Variants in AK7 observed in about 807,000 individuals in gnomAD.
The protein encoded by AK7 is ATP-AMP transphosphorylase 7.
Under a neutral mutation model 96.6 loss-of-function variants are expected in AK7, and 78 were observed. The observed-to-expected ratio is 0.81, with a 90% CI of 0.67 to 0.97. The LOEUF is 0.97. Ranked by LOEUF, AK7 falls within the 50% of genes least tolerant of loss-of-function variation. The probability of loss-of-function intolerance (pLI) is 0.00; values close to 1 mark genes in which losing one functional copy is unlikely to be tolerated. For missense variants in AK7, 855 were observed against 887.9 expected (o/e 0.96, Z 0.47); for synonymous variants, 302 against 317.2 (o/e 0.95, Z 0.51).
At chr14:96,456,995 T>C (rs1893953668) in intron 11 of AK7, 1 of 190,230 alleles carries the variant, frequency 5.3e-6, no homozygotes, top group Admixed American at 5.1e-5. Context: ...AGGTTTTGCT[T>C]TGGCTTCGGG....
chr14:96,397,963 C>A, intron 1 of AK7, 112 bp from the exon 2 acceptor site: 1 of 1,087,702 alleles, frequency 9.2e-7, no homozygotes, highest in Non-Finnish European at 1.3e-6. Flanking sequence ...TTTGCTTTGC[C>A]TTGGTGGCAC....
At chr14:96,478,421 C>T (rs1430416913) in intron 14 of AK7, 44 bp from the exon 15 acceptor site, 57 of 1,600,512 alleles carry the variant, frequency 3.6e-5, no homozygotes, top group Non-Finnish European at 4.9e-5. Context: ...TGCTAGTTAG[C>T]TGCGCTGTAT....
At chr14:96,423,656 C>T (rs376950152) in intron 5 of AK7, 23 of 625,552 alleles carry the variant, frequency 3.7e-5, no homozygotes, top group East Asian at 7.1e-5. Context: ...GAACACAGCT[C>T]GGGGCCTCCA....
intron 14 of AK7, among the ~76,000 whole-genome samples, chr14:96,473,950 C>T (rs1404693019): frequency 6.6e-6 from 1 of 152,176 alleles, no homozygotes; most frequent in African/African-American, 2.4e-5. Context: ...TCACAAAGTA[C>T]TCTTGAAAGC....
intron 12 of AK7, among the ~76,000 whole-genome samples, chr14:96,463,547 G>A (rs937923705): frequency 1.3e-5 from 2 of 151,668 alleles, no homozygotes; most frequent in Non-Finnish European, 2.9e-5. Flanking sequence ...GTGAAACCCC[G>A]TCTCTACTAA....
Position 96,420,806 on chromosome 14 carries a change from T to A in AK7, c.499-16T>A. On this transcript the variant is annotated splice_polypyrimidine_tract_variant and intron_variant, in intron 4 of 17. Transcript: ENST00000267584. ...AATTCACCAAGTCTGTACCTTTTCT[T>A]TCTTTCTTATAATAGGAGGATTCTG... 1 of 1,574,140 alleles carries A rather than the reference T, an allele frequency of 6.4e-7. No homozygotes were observed. The highest frequency in any genetic ancestry group is 8.7e-7 in the Non-Finnish European group (1 of 1,147,088).
chr14:96,443,395 G>A lies in AK7; in HGVS notation c.779+577G>A, dbSNP rs537784699. 9.9e-5 allele frequency among the ~76,000 whole-genome samples: 15 copies of A among 152,184 alleles called. No homozygotes were observed. In the South Asian group the frequency reaches 2.5e-3, roughly 25 times the overall value. On this transcript the variant is annotated intron_variant, in intron 7 of 17. Coordinates refer to ENST00000267584, the MANE Select transcript of AK7 (RefSeq NM_152327.5). The stretch of plus-strand genomic sequence containing the variant: ...TTGTGGTTCATCAGCTCCAGCTTCC[G>A]GGGACTTCATTCTGTCACCCCTGTG...
intron 12 of AK7, among the ~76,000 whole-genome samples, chr14:96,470,368 T>C (rs987483101): frequency 4.6e-5 from 7 of 152,130 alleles, no homozygotes; most frequent in Non-Finnish European, 1.0e-4. Flanking sequence ...TGAAGATCAA[T>C]TTCCCTAACT....
chr14:96,440,164 C>T (rs1455907442), intron 6 of AK7, among the ~76,000 whole-genome samples: 1 of 152,046 alleles, frequency 6.6e-6, no homozygotes, highest in Non-Finnish European at 1.5e-5. Context: ...TTAGTAGAGA[C>T]AGGGTTTCAC....
At chr14:96,410,459 C>G (rs977807025) in intron 4 of AK7, among the ~76,000 whole-genome samples, 11 of 152,182 alleles carry the variant, frequency 7.2e-5, no homozygotes, top group African/African-American at 2.2e-4. Flanking sequence ...CAACGATGTC[C>G]TCAGTGCTCA....
At chr14:96,445,144 G>T (rs886575026) in intron 7 of AK7, among the ~76,000 whole-genome samples, 3 of 152,102 alleles carry the variant, frequency 2.0e-5, no homozygotes, top group Non-Finnish European at 2.9e-5. Flanking sequence ...CAAACTACCC[G>T]CCTCTGCTCA....
intron 1 of AK7, among the ~76,000 whole-genome samples, chr14:96,394,951 G>C (rs1889979328): frequency 6.6e-6 from 1 of 152,208 alleles, no homozygotes; most frequent in Admixed American, 6.5e-5. Flanking sequence ...ACTCCAGCCT[G>C]GGCAACAGAG....
In AK7 at chr14:96,403,688, GA is replaced by G. The variant is rs1443896525; in HGVS notation, c.295-1067del. Among the ~76,000 whole-genome samples the G allele has an allele frequency of 2.0e-5, 3 of 152,170 alleles. No individual in the cohort carries two copies. The East Asian group carries it at 5.8e-4, about 29-fold the overall frequency. ...TTCTGCTTTAATACAGTTGGTCAAG[GA>G]ACTGCGGAAAATAGCTGATGTTCAG... On this transcript the variant is annotated intron_variant, in intron 2 of 17. Coordinates refer to ENST00000267584, the MANE Select transcript of AK7 (RefSeq NM_152327.5).
intron 9 of AK7, among the ~76,000 whole-genome samples, chr14:96,450,863 C>T (rs778759514): frequency 6.6e-6 from 1 of 150,610 alleles, no homozygotes; most frequent in African/African-American, 2.5e-5. Flanking sequence ...CAAGTTCCAC[C>T]TCCCGGGTTC....
chr14:96,429,377 G>T (rs1266985724), intron 5 of AK7, among the ~76,000 whole-genome samples: 1 of 152,152 alleles, frequency 6.6e-6, no homozygotes. Flanking sequence ...TCATAGTATA[G>T]TTTGAAGTCA....
rs1018929655 is a variant in AK7 at position 96,437,843 on chromosome 14, A to T, written c.618A>T (p.Lys206Asn). The change falls in exon 6 of 18, where the codon AAA becomes AAT. Residue 206 changes from lysine (K) to asparagine (N), a missense_variant. Transcript: ENST00000267584. Reference protein sequence around the residue: ...MVLKFGKKARKFAAYVVAAGL... With the variant: ...MVLKFGKKARNFAAYVVAAGL... ...TGTATTTTATCTAATAGGCCAGAAAATTTGCAGCATACGTAGTTGCTGCTG... is the reference window on the plus strand; with the variant it reads ...TGTATTTTATCTAATAGGCCAGAAATTTTGCAGCATACGTAGTTGCTGCTG... 1.2e-6 allele frequency: 2 copies of T among 1,608,732 alleles called. No homozygotes were observed. Among genetic ancestry groups the T allele is most frequent in the South Asian group, 1.1e-5 (1 of 89,516 alleles).
At chr14:96,458,366 T>G (rs1375879942) in intron 12 of AK7, among the ~76,000 whole-genome samples, 154 bp downstream of exon 12, 1 of 149,268 alleles carries the variant, frequency 6.7e-6, no homozygotes, top group Admixed American at 6.7e-5. Context: ...GAGTCTGAGG[T>G]GGGAGGATCA....
chr14:96,454,103 G>A (rs1327776789), intron 10 of AK7, among the ~76,000 whole-genome samples: 2 of 152,186 alleles, frequency 1.3e-5, no homozygotes, highest in African/African-American at 2.4e-5. Context: ...AGCGCTGCTA[G>A]CCAGAACCAT....
At chr14:96,464,605 G>A (rs984909993) in intron 12 of AK7, among the ~76,000 whole-genome samples, 11 of 149,650 alleles carry the variant, frequency 7.4e-5, no homozygotes, top group African/African-American at 2.7e-4. Context: ...TATTATAAAG[G>A]CTTATGGTCA....
Sources: gnomAD v4.1 joint callset for allele counts (sites outside exome capture counted in the v4.1 genomes callset) on GRCh38, gnomAD v4.1.1 for gene constraint, MANE v1.5 for transcripts, NCBI Gene and HGNC (gene_info 2026-07-23, HGNC 2026-07-21) for gene names.